The following ACTR3C variants were observed in gnomAD, a reference collection of about 807,000 sequenced individuals.
ACTR3C encodes actin-related protein 3C.
In ACTR3C, 18 loss-of-function variants were observed where a neutral mutation model predicts 26.3. The ratio of observed to expected loss-of-function variants is 0.68; its 90% CI spans 0.47 to 1.01. The LOEUF (loss-of-function observed/expected upper bound fraction) is 1.01. ACTR3C is among the 50% of genes least tolerant of loss of function. The probability of loss-of-function intolerance (pLI) is 0.00; values close to 1 mark genes in which losing one functional copy is unlikely to be tolerated. For missense variants in ACTR3C, 184 were observed against 250.7 expected (o/e 0.73, Z 1.80); for synonymous variants, 55 against 94.5 (o/e 0.58, Z 2.42).
chr7:150,124,495 T>C, the ACTR3C span, among the ~76,000 whole-genome samples: 1 of 152,160 alleles, frequency 6.6e-6, no homozygotes, highest in Middle Eastern at 3.2e-3. Flanking sequence ...GTTAGATAAA[T>C]GCGCCCAAGA....
chr7:149,988,968 C>A, the ACTR3C span, among the ~76,000 whole-genome samples: 1 of 152,154 alleles, frequency 6.6e-6, no homozygotes, highest in Non-Finnish European at 1.5e-5. Flanking sequence ...GCCCTGACAG[C>A]CCAGTTTTGT....
At chr7:150,095,382 G>A in the ACTR3C span, among the ~76,000 whole-genome samples, 7 of 150,552 alleles carry the variant, frequency 4.6e-5, no homozygotes, top group East Asian at 1.9e-4. Context: ...GGATAGGACC[G>A]GCCAACTTCT....
chr7:150,276,415 C>T (rs1563170163), intron 6 of ACTR3C, among the ~76,000 whole-genome samples: 1 of 152,156 alleles, frequency 6.6e-6, no homozygotes, highest in Non-Finnish European at 1.5e-5. Context: ...ATTAGAAGCC[C>T]CTGCTGTTTC....
At chr7:150,069,455 T>C in the ACTR3C span, among the ~76,000 whole-genome samples, 1 of 152,300 alleles carries the variant, frequency 6.6e-6, no homozygotes, top group East Asian at 1.9e-4. Flanking sequence ...AAAAATAGTT[T>C]ATCTAAAACT....
chr7:150,286,835 C>G (rs372769976), intron 4 of ACTR3C, among the ~76,000 whole-genome samples: 1 of 151,580 alleles, frequency 6.6e-6, no homozygotes, highest in Non-Finnish European at 1.5e-5. Flanking sequence ...CTACAGGTGT[C>G]TAGAAAGCAC....
chr7:149,915,853 A>G, the ACTR3C span, among the ~76,000 whole-genome samples: 1 of 150,616 alleles, frequency 6.6e-6, no homozygotes, highest in African/African-American at 2.5e-5. Context: ...TATAATAGCA[A>G]AACCACCACC....
At chr7:150,297,851 CAAAAAAAAAAAAA>C (rs35970305) in intron 1 of ACTR3C, among the ~76,000 whole-genome samples, 2 of 87,164 alleles carry the variant, frequency 2.3e-5, no homozygotes, top group African/African-American at 8.7e-5. Flanking sequence ...GACTCCGTCT[CAAAAAAAAAAAAA>C]AAAAAAAAGA....
the ACTR3C span, among the ~76,000 whole-genome samples, chr7:150,152,410 G>T: frequency 1.3e-5 from 2 of 152,244 alleles, no homozygotes; most frequent in Non-Finnish European, 2.9e-5. Flanking sequence ...TGTGGTTTTT[G>T]TCTTTGGTTC....
the ACTR3C span, among the ~76,000 whole-genome samples, chr7:149,956,348 G>C: frequency 1.3e-5 from 2 of 152,106 alleles, no homozygotes; most frequent in African/African-American, 4.8e-5. Flanking sequence ...CTTGAGTCCA[G>C]GAGTTCGAGA....
At chr7:150,035,451 T>G in the ACTR3C span, among the ~76,000 whole-genome samples, 3 of 89,606 alleles carry the variant, frequency 3.3e-5, no homozygotes, top group African/African-American at 8.5e-5. Context: ...TCGCGGGGGG[T>G]GCCTCCCCCG....
chr7:150,136,435 C>T, the ACTR3C span, among the ~76,000 whole-genome samples: 6 of 152,114 alleles, frequency 3.9e-5, no homozygotes, highest in Middle Eastern at 3.4e-3. Flanking sequence ...TTTGGGAGGC[C>T]GAGGCAGGTG....
downstream of ACTR3C, among the ~76,000 whole-genome samples, chr7:150,239,632 T>C (rs111933767): frequency 7.1e-4 from 105 of 146,996 alleles, no homozygotes; most frequent in Non-Finnish European, 1.2e-3. Flanking sequence ...AAAAAAGTCA[T>C]TGAGGCTCTT....
the ACTR3C span, among the ~76,000 whole-genome samples, chr7:150,187,392 C>A: frequency 1.3e-5 from 2 of 151,940 alleles, no homozygotes; most frequent in Non-Finnish European, 1.5e-5. Flanking sequence ...ATTCATGTAT[C>A]TTCTCTACCA....
chr7:150,182,526 C>A, the ACTR3C span, among the ~76,000 whole-genome samples: 2 of 150,610 alleles, frequency 1.3e-5, no homozygotes, highest in Non-Finnish European at 2.9e-5. Flanking sequence ...GAAAACCCAC[C>A]AGTCTTTTTT....
chr7:150,276,896 G>A, intron 6 of ACTR3C, among the ~76,000 whole-genome samples: 1 of 152,134 alleles, frequency 6.6e-6, no homozygotes, highest in Non-Finnish European at 1.5e-5. Flanking sequence ...AGTTAATTTT[G>A]TGTGTCAACT....
chr7:150,211,648 T>C, the ACTR3C span, among the ~76,000 whole-genome samples: 1 of 150,086 alleles, frequency 6.7e-6, no homozygotes, highest in Non-Finnish European at 1.5e-5. Context: ...GCTGGTTGAA[T>C]GTCCTCAGCT....
the ACTR3C span, among the ~76,000 whole-genome samples, chr7:150,232,031 A>G: frequency 2.6e-5 from 4 of 152,072 alleles, no homozygotes; most frequent in Non-Finnish European, 4.4e-5. Context: ...CTTTTGCATC[A>G]TTTTTAGGTG....
At chr7:150,181,822 A>G in the ACTR3C span, among the ~76,000 whole-genome samples, 1 of 150,722 alleles carries the variant, frequency 6.6e-6, no homozygotes, top group Non-Finnish European at 1.5e-5. Flanking sequence ...GATTACCCCT[A>G]CAAAATACTG....
chr7:150,116,567 C>T, the ACTR3C span, among the ~76,000 whole-genome samples: 2 of 152,278 alleles, frequency 1.3e-5, no homozygotes, highest in East Asian at 1.9e-4. Flanking sequence ...TATTAATATA[C>T]ACATTAGATA....
Sources: allele counts gnomAD v4.1 joint callset (sites outside exome capture counted in the v4.1 genomes callset), GRCh38; gene constraint gnomAD v4.1.1; transcripts MANE v1.5; gene names NCBI Gene and HGNC (gene_info 2026-07-23, HGNC 2026-07-21).